Variants in FGF14 observed in about 807,000 individuals in gnomAD.
The protein encoded by FGF14 is fibroblast growth factor homologous factor 4.
A neutral mutation model predicts 25.5 loss-of-function variants in FGF14; 5 were observed. The ratio of observed to expected loss-of-function variants is 0.20; its 90% CI spans 0.10 to 0.41. FGF14 has a LOEUF of 0.41. FGF14 is among the 10% of genes least tolerant of loss of function. FGF14 has a pLI of 1.00. For synonymous variants in FGF14, 138 were observed against 118.3 expected (o/e 1.17, Z -1.08); for missense variants, 222 against 320.1 (o/e 0.69, Z 2.34).
At chr13:101,965,834 C>T (rs1174524501) in intron 1 of FGF14, among the ~76,000 whole-genome samples, 3 of 152,156 alleles carry the variant, frequency 2.0e-5, no homozygotes, top group Non-Finnish European at 2.9e-5. Flanking sequence ...GATGAGGTTA[C>T]AGCAAGTTTC....
chr13:101,737,954 C>T (rs976366301), intron 3 of FGF14, among the ~76,000 whole-genome samples: 1 of 152,004 alleles, frequency 6.6e-6, no homozygotes, highest in Non-Finnish European at 1.5e-5. Flanking sequence ...GTTTAGCCAA[C>T]CTTTAAAATG....
intron 1 of FGF14, among the ~76,000 whole-genome samples, chr13:102,135,126 T>G (rs2140429816): frequency 6.6e-6 from 1 of 151,874 alleles, no homozygotes; most frequent in East Asian, 1.9e-4. Context: ...GAAGATGACT[T>G]AAACCCACGA....
intron 1 of FGF14, among the ~76,000 whole-genome samples, chr13:102,028,383 G>A (rs1320648044): frequency 6.6e-6 from 1 of 152,096 alleles, no homozygotes; most frequent in African/African-American, 2.4e-5. Context: ...CAGTGGAAGT[G>A]AGAATGCACC....
At chr13:102,374,647 TATA>T (rs1566971007) in intron 1 of FGF14, among the ~76,000 whole-genome samples, 21 of 1,448 alleles carry the variant, frequency 0.015, no homozygotes, top group East Asian at 0.037. Context: ...ACATATTTTA[TATA>T]TATATATATA....
At chr13:102,228,291 C>A (rs1215332757) in intron 1 of FGF14, among the ~76,000 whole-genome samples, 4 of 152,140 alleles carry the variant, frequency 2.6e-5, no homozygotes, top group Non-Finnish European at 5.9e-5. Flanking sequence ...AATTAAGATA[C>A]ATTCCTATGT....
intron 1 of FGF14, among the ~76,000 whole-genome samples, chr13:101,888,415 T>C (rs2138865595): frequency 6.6e-6 from 1 of 152,306 alleles, no homozygotes; most frequent in South Asian, 2.1e-4. Flanking sequence ...ATTTTCTGTG[T>C]GCATATACAT....
chr13:102,188,726 G>A (rs572041676), intron 1 of FGF14, among the ~76,000 whole-genome samples: 1 of 151,942 alleles, frequency 6.6e-6, no homozygotes. Context: ...GATCACTTGA[G>A]GCCAGAAGTT....
At chr13:102,099,257 T>C (rs928473801) in intron 1 of FGF14, among the ~76,000 whole-genome samples, 4 of 152,140 alleles carry the variant, frequency 2.6e-5, no homozygotes, top group African/African-American at 9.7e-5. Flanking sequence ...CAATGCATAT[T>C]TTACAAGGGC....
At chr13:101,929,841 C>G (rs1054137980) in intron 1 of FGF14, among the ~76,000 whole-genome samples, 2 of 152,020 alleles carry the variant, frequency 1.3e-5, no homozygotes, top group Non-Finnish European at 2.9e-5. Flanking sequence ...GTTTTTTATT[C>G]TTTGCACTTT....
At chr13:102,336,667 G>A (rs1048737987) in intron 1 of FGF14, among the ~76,000 whole-genome samples, 6 of 152,190 alleles carry the variant, frequency 3.9e-5, no homozygotes, top group African/African-American at 1.4e-4. Context: ...GACTTTCATA[G>A]TGAGAGAAGA....
chr13:101,981,078 C>T (rs2038221715), intron 1 of FGF14, among the ~76,000 whole-genome samples: 1 of 126,746 alleles, frequency 7.9e-6, no homozygotes, highest in Non-Finnish European at 1.6e-5. Context: ...CTCGTCTCTA[C>T]TAAAACACAC....
intron 3 of FGF14, among the ~76,000 whole-genome samples, chr13:101,779,317 T>C (rs2039343594): frequency 6.6e-6 from 1 of 152,150 alleles, no homozygotes; most frequent in Admixed American, 6.6e-5. Flanking sequence ...CAGACAAATA[T>C]GTCATGTGTC....
chr13:101,753,687 C>A (rs566370613), intron 3 of FGF14, among the ~76,000 whole-genome samples: 1 of 151,844 alleles, frequency 6.6e-6, no homozygotes. Flanking sequence ...CCTGTAATCC[C>A]GGCTACTGCA....
chr13:101,815,679 G>A (rs1479708524), intron 3 of FGF14, among the ~76,000 whole-genome samples: 1 of 152,144 alleles, frequency 6.6e-6, no homozygotes, highest in East Asian at 1.9e-4. Context: ...CACCCAAGGT[G>A]CTAACTAGTT....
chr13:101,856,700 T>C (rs1464594722), intron 3 of FGF14, among the ~76,000 whole-genome samples: 1 of 152,002 alleles, frequency 6.6e-6, no homozygotes, highest in Non-Finnish European at 1.5e-5. Flanking sequence ...TGACTTCTAA[T>C]AAAACAGTTG....
intron 3 of FGF14, among the ~76,000 whole-genome samples, chr13:101,809,727 T>C (rs2041391825): frequency 6.6e-6 from 1 of 152,156 alleles, no homozygotes; most frequent in Non-Finnish European, 1.5e-5. Context: ...ATTTTGCAGT[T>C]TCTGAATGCT....
chr13:102,124,333 G>A (rs895567744), intron 1 of FGF14, among the ~76,000 whole-genome samples: 5 of 151,846 alleles, frequency 3.3e-5, no homozygotes, highest in Non-Finnish European at 5.9e-5. Context: ...GCTATATGGA[G>A]TTTTAAAAAT....
chr13:102,392,047 G>A (rs998028646), intron 1 of FGF14, among the ~76,000 whole-genome samples: 5 of 152,232 alleles, frequency 3.3e-5, no homozygotes, highest in Non-Finnish European at 5.9e-5. Context: ...CACACAGGAA[G>A]TGGAAAGAAC....
intron 1 of FGF14, among the ~76,000 whole-genome samples, chr13:102,163,009 A>G (rs1341470167): frequency 1.3e-5 from 2 of 152,166 alleles, no homozygotes; most frequent in Non-Finnish European, 2.9e-5. Flanking sequence ...ATGCCTCTAA[A>G]CAAGCATGCT....
Sources: allele counts gnomAD v4.1 joint callset (sites outside exome capture counted in the v4.1 genomes callset), GRCh38; gene constraint gnomAD v4.1.1; transcripts MANE v1.5; gene names NCBI Gene and HGNC (gene_info 2026-07-23, HGNC 2026-07-21).